PTPN13: variants seen among roughly 807,000 people sequenced by gnomAD.
PTPN13 encodes protein tyrosine phosphatase non-receptor type 13.
Under a neutral mutation model 284.0 loss-of-function variants are expected in PTPN13, and 191 were observed. The ratio of observed to expected loss-of-function variants is 0.67; its 90% CI spans 0.60 to 0.76. The LOEUF (loss-of-function observed/expected upper bound fraction) is 0.76, where lower values mean the gene tolerates loss of function less well. Ranked by LOEUF, PTPN13 falls within the 30% of genes least tolerant of loss-of-function variation. The probability of loss-of-function intolerance (pLI) is 0.00; values close to 1 mark genes in which losing one functional copy is unlikely to be tolerated. For missense variants in PTPN13, 2,797 were observed against 2,939.9 expected (o/e 0.95, Z 1.12); for synonymous variants, 986 against 1,022.3 (o/e 0.96, Z 0.68).
rs1413367047 is a variant in PTPN13 at position 86,716,532 on chromosome 4, C to G, written c.1198C>G (p.Pro400Ala). ...TCTTTTTGTTTTAATCCTTTTAGAA[C>G]CAGTTCGAAGATACAAAACTTATCA... is the stretch of plus-strand genomic sequence containing the variant. ...VLREAMNVEE[P>A]VRRYKTYHGD... is the part of the protein sequence containing the mutation. The change falls in exon 8 of 48, where the codon CCA (proline) becomes GCA (alanine). Residue 400 changes from proline (P) to alanine (A), a missense_variant and splice_region_variant. By Grantham distance (27) the Pro-to-Ala change is conservative (BLOSUM62 -1). Transcript: ENST00000411767. 1.3e-5 allele frequency: 20 copies of G among 1,562,208 alleles called. No individual in the cohort carries two copies. In the Admixed American group the frequency reaches 3.8e-4, roughly 30 times the overall value.
At chr4:86,603,739 A>G (rs544572232) in intron 1 of PTPN13, among the ~76,000 whole-genome samples, 2 of 152,062 alleles carry the variant, frequency 1.3e-5, no homozygotes, top group Non-Finnish European at 2.9e-5. Flanking sequence ...ATTCTCTGCA[A>G]TATATCCTGC....
intron 3 of PTPN13, among the ~76,000 whole-genome samples, chr4:86,673,274 A>C (rs986399607): frequency 2.6e-5 from 4 of 152,222 alleles, no homozygotes; most frequent in African/African-American, 9.6e-5. Context: ...AGAATGTACA[A>C]GATGAGCAAT....
chr4:86,809,606 G>A (rs1447157919), intron 45 of PTPN13, among the ~76,000 whole-genome samples, 163 bp from the exon 46 acceptor site: 2 of 152,106 alleles, frequency 1.3e-5, no homozygotes, highest in Non-Finnish European at 1.5e-5. Flanking sequence ...CAGGAGAATC[G>A]CTTGAACCTG....
intron 1 of PTPN13, among the ~76,000 whole-genome samples, chr4:86,595,023 A>T (rs1763485298): frequency 1.3e-5 from 2 of 151,968 alleles, no homozygotes; most frequent in Admixed American, 1.3e-4. Flanking sequence ...CTCCATTGCT[A>T]ATTAGGTAGA....
chr4:86,621,279 C>T (rs1161203383), intron 1 of PTPN13, among the ~76,000 whole-genome samples: 1 of 152,150 alleles, frequency 6.6e-6, no homozygotes, highest in Non-Finnish European at 1.5e-5. Flanking sequence ...TTTTTATCTC[C>T]ATTTAAAGAT....
At chr4:86,707,336 T>C (rs573862549) in intron 7 of PTPN13, among the ~76,000 whole-genome samples, 5 of 152,338 alleles carry the variant, frequency 3.3e-5, no homozygotes, top group African/African-American at 1.2e-4. Flanking sequence ...CAAAATGAAA[T>C]ATTGTTTTCT....
At chr4:86,644,669 A>G (rs1408005853) in intron 2 of PTPN13, among the ~76,000 whole-genome samples, 1 of 152,180 alleles carries the variant, frequency 6.6e-6, no homozygotes, top group African/African-American at 2.4e-5. Flanking sequence ...CTACAAACCA[A>G]TATGTCTTAT....
chr4:86,698,101 T>A (rs1000009579), intron 6 of PTPN13, among the ~76,000 whole-genome samples: 1 of 152,182 alleles, frequency 6.6e-6, no homozygotes, highest in Non-Finnish European at 1.5e-5. Context: ...AGTCAAGCAA[T>A]AATGTTAATT....
At chr4:86,694,349 G>A (rs985228112) in intron 6 of PTPN13, among the ~76,000 whole-genome samples, 3 of 151,782 alleles carry the variant, frequency 2.0e-5, no homozygotes, top group African/African-American at 7.3e-5. Context: ...GGGAGGCTGA[G>A]GTGGGCGGAT....
Position 86,750,528 on chromosome 4 carries a change from G to T in PTPN13, c.2709G>T (p.Met903Ile), listed in dbSNP as rs758702377. 2.5e-6 allele frequency: 4 copies of T among 1,613,928 alleles called. 1 individual carries two copies. The South Asian group carries it at 4.4e-5, about 18-fold the overall frequency. ...LQAESVRGFN[M>I]GRAISTGSLA... ...CAGAGTCTGTTAGAGGATTTAATAT[G>T]GGACGAGCAATCAGCACTGGCAGTC... Residue 903 changes from methionine (M) to isoleucine (I), a missense_variant, in exon 18 of 48, where the codon ATG (methionine) becomes ATT (isoleucine). By Grantham distance (10) the Met-to-Ile change is conservative (BLOSUM62 1). Transcript: ENST00000411767.
Position 86,772,990 on chromosome 4 carries a change from T to C in PTPN13, c.5349+32T>C, listed in dbSNP as rs189192982. On this transcript the variant is annotated intron_variant, in intron 32 of 47. Coordinates refer to ENST00000411767, the MANE Select transcript of PTPN13 (RefSeq NM_080683.3). ...TGTTTTCTCTATATTTAAAAAAAAA[T>C]CCATATTTTTTAAAAGAAGGTGTGT... 4.3e-6 allele frequency: 6 copies of C among 1,407,748 alleles called. No homozygotes were observed. In the Admixed American group the frequency reaches 1.3e-4, roughly 31 times the overall value. The allele number at this position is 1,407,748 out of a possible 1,614,324, so 87.2% of individuals were successfully genotyped here. A position where few individuals can be genotyped will look rare whatever the true frequency, so the allele number is the denominator to read the frequency against.
intron 37 of PTPN13, among the ~76,000 whole-genome samples, chr4:86,783,713 TG>T (rs1263659028): frequency 6.6e-6 from 1 of 152,088 alleles, no homozygotes; most frequent in Admixed American, 6.5e-5. Context: ...ATAGAATGAG[TG>T]AAACCTTGAG....
chr4:86,669,110 C>CACAT (rs1306143197), intron 2 of PTPN13, among the ~76,000 whole-genome samples: 1 of 151,496 alleles, frequency 6.6e-6, no homozygotes, highest in East Asian at 1.9e-4. Context: ...ATTAAAGGGC[C>CACAT]ACATATAAAA....
intron 1 of PTPN13, among the ~76,000 whole-genome samples, chr4:86,629,914 G>A (rs1424086998): frequency 6.6e-6 from 1 of 151,884 alleles, no homozygotes; most frequent in African/African-American, 2.4e-5. Flanking sequence ...GCACCATCAT[G>A]TTCAGCTAAT....
intron 2 of PTPN13, among the ~76,000 whole-genome samples, chr4:86,655,060 C>G (rs1224065186): frequency 2.0e-5 from 3 of 152,256 alleles, no homozygotes; most frequent in African/African-American, 7.2e-5. Flanking sequence ...ACTAGGATTG[C>G]AACCCCTGCC....
chr4:86,638,361 G>A (rs1723305560), intron 2 of PTPN13, among the ~76,000 whole-genome samples: 1 of 152,106 alleles, frequency 6.6e-6, no homozygotes, highest in African/African-American at 2.4e-5. Flanking sequence ...AAAAGAGCCT[G>A]CATCGCCAAG....
intron 10 of PTPN13, among the ~76,000 whole-genome samples, chr4:86,731,533 G>A (rs1004209563): frequency 2.6e-5 from 4 of 152,164 alleles, no homozygotes; most frequent in Non-Finnish European, 2.9e-5. Context: ...TATTTAAAAC[G>A]AAAAGTACAG....
rs1469906300 is a variant in PTPN13 at position 86,758,321 on chromosome 4, C to A, written c.3285C>A (p.Asn1095Lys). ...SSPEREITLVNLKKDAKYGLG... is the reference protein window; with the variant it reads ...SSPEREITLVKLKKDAKYGLG... ...CAGAAAGGGAGATCACCTTAGTGAA[C>A]CTGAAAAAAGATGCAAAGTATGGCT... is the stretch of plus-strand genomic sequence containing the variant. The change falls in exon 21 of 48, where the codon AAC becomes AAA. Residue 1095 changes from asparagine to lysine, a missense_variant. Transcript: ENST00000411767. 6.2e-7 allele frequency: 1 copy of A among 1,611,334 alleles called. No homozygotes were observed. The highest frequency in any genetic ancestry group is 8.5e-7 in the Non-Finnish European group (1 of 1,178,492).
rs758506501 is a variant in PTPN13 at position 86,775,561 on chromosome 4, G to A, written c.5800G>A (p.Val1934Met). ...CCAGCTATTAGATGTCATCCATTAT[G>A]TGAACGGAGTCAGCACACAAGGAAT... Reference protein sequence around the residue: ...NLQLLDVIHYVNGVSTQGMTL... With the variant: ...NLQLLDVIHYMNGVSTQGMTL... Residue 1934 changes from valine to methionine, a missense_variant, in exon 35 of 48, where the codon GTG becomes ATG. By Grantham distance (21) the Val-to-Met change is conservative. Transcript: ENST00000411767. The A allele has an allele frequency of 3.7e-6, 6 of 1,613,618 alleles. No individual in the cohort carries two copies. The Admixed American group carries it at 1.0e-4, about 27-fold the overall frequency.
Sources: gnomAD v4.1 joint callset for allele counts (sites outside exome capture counted in the v4.1 genomes callset) on GRCh38, gnomAD v4.1.1 for gene constraint, MANE v1.5 for transcripts, NCBI Gene and HGNC (gene_info 2026-07-23, HGNC 2026-07-21) for gene names.